Variants in AKT3 observed in about 807,000 individuals in gnomAD.
AKT3 encodes the protein AKT serine/threonine kinase 3.
AKT3 carries 15 observed loss-of-function variants against 65.3 expected under a neutral mutation model. That is an observed-to-expected ratio of 0.23 (90% confidence interval 0.15 to 0.35). The LOEUF is 0.35. Ranked by LOEUF, AKT3 falls within the 10% of genes least tolerant of loss-of-function variation. AKT3 has a pLI of 1.00. For missense variants in AKT3, 243 were observed against 576.5 expected, an observed-to-expected ratio of 0.42 and a Z score of 5.92; for synonymous variants, 206 against 183.8, an observed-to-expected ratio of 1.12 and a Z score of -0.98.
In AKT3 at chr1:243,814,344, C is replaced by T. The variant is rs1477923800; in HGVS notation, c.46+28781G>A. Among the ~76,000 whole-genome samples the T allele has an allele frequency of 2.0e-5, 3 of 151,924 alleles. No individual in the cohort carries two copies. In the South Asian group the frequency reaches 6.2e-4, roughly 32 times the overall value. On this transcript the variant is annotated intron_variant, in intron 2 of 13. Transcript: ENST00000673466. ...TTATATCTAACATTTATTTTAAATA[C>T]TTTTACAATATAAATAAACTAACCT... is the stretch of plus-strand genomic sequence containing the variant.
intron 4 of AKT3, among the ~76,000 whole-genome samples, chr1:243,658,259 C>CA (rs1311189778): frequency 1.3e-5 from 2 of 151,866 alleles, no homozygotes; most frequent in African/African-American, 2.4e-5. Flanking sequence ...GTAGCGAAAA[C>CA]AAAAAACAGA....
At chr1:243,748,411 C>T (rs1044931993) in intron 2 of AKT3, among the ~76,000 whole-genome samples, 4 of 151,716 alleles carry the variant, frequency 2.6e-5, no homozygotes, top group African/African-American at 9.7e-5. Flanking sequence ...ATAGGAAGGC[C>T]ACACAGTGTA....
At chr1:243,596,339 T>TACAA (rs1676612435) in intron 8 of AKT3, among the ~76,000 whole-genome samples, 1 of 152,148 alleles carries the variant, frequency 6.6e-6, no homozygotes, top group South Asian at 2.1e-4. Context: ...CCATTTGTAA[T>TACAA]ACAAATATTT....
chr1:243,522,958 G>T (rs555148299), intron 12 of AKT3, among the ~76,000 whole-genome samples: 70 of 152,092 alleles, frequency 4.6e-4, no homozygotes, highest in Admixed American at 1.5e-3. Flanking sequence ...CACACCAGAT[G>T]AATGCTGGAG....
In AKT3 at chr1:243,812,471, T is replaced by A. The variant is rs145490615; in HGVS notation, c.46+30654A>T. On this transcript the variant is annotated intron_variant, in intron 2 of 13. Transcript: ENST00000673466. ...AGAAATGCAAATCAAAATCACAATG[T>A]GATACCATCTCACACCAGTTAGAAT... 1.2e-3 allele frequency among the ~76,000 whole-genome samples: 185 copies of A among 152,296 alleles called. 2 individuals carry two copies. The East Asian group carries it at 0.032, about 26-fold the overall frequency.
intron 4 of AKT3, among the ~76,000 whole-genome samples, chr1:243,647,428 A>G (rs1358704933): frequency 6.6e-6 from 1 of 152,220 alleles, no homozygotes; most frequent in East Asian, 1.9e-4. Flanking sequence ...GGGCTATACC[A>G]TCTAGGTTTG....
chr1:243,619,431 C>G (rs573252603), intron 6 of AKT3, among the ~76,000 whole-genome samples: 1 of 134,076 alleles, frequency 7.5e-6, no homozygotes. Flanking sequence ...AGTCGCCCTA[C>G]TGAACTATCT....
chr1:243,623,792 A>G (rs900062163), intron 6 of AKT3, among the ~76,000 whole-genome samples: 1 of 152,158 alleles, frequency 6.6e-6, no homozygotes, highest in Non-Finnish European at 1.5e-5. Flanking sequence ...GGGAATTTTC[A>G]ACCTCCATAA....
chr1:243,622,364 T>G (rs1412622380), intron 6 of AKT3, among the ~76,000 whole-genome samples: 2 of 152,218 alleles, frequency 1.3e-5, no homozygotes, highest in Non-Finnish European at 2.9e-5. Flanking sequence ...ATCGCTACCA[T>G]CATTATTCCT....
At chr1:243,535,781 T>TC (rs1201252114) in intron 12 of AKT3, among the ~76,000 whole-genome samples, 1 of 152,218 alleles carries the variant, frequency 6.6e-6, no homozygotes, top group Non-Finnish European at 1.5e-5. Flanking sequence ...TACTAGTAGT[T>TC]CTTTGAGAAA....
At chr1:243,546,725 T>G (rs1297851718) in intron 11 of AKT3, 2 of 152,216 alleles carry the variant, frequency 1.3e-5, no homozygotes, top group Non-Finnish European at 2.9e-5. Context: ...ATTTAAATTT[T>G]ACTGATATAA....
At chr1:243,520,070 G>T (rs1450832607) in intron 12 of AKT3, among the ~76,000 whole-genome samples, 1 of 152,176 alleles carries the variant, frequency 6.6e-6, no homozygotes, top group Non-Finnish European at 1.5e-5. Flanking sequence ...ATTATAGGTT[G>T]AAATGTGTCC....
At chr1:243,531,360 GA>G (rs539990997) in intron 12 of AKT3, among the ~76,000 whole-genome samples, 25 of 152,280 alleles carry the variant, frequency 1.6e-4, no homozygotes, top group Admixed American at 7.8e-4. Context: ...GGGATCACAG[GA>G]ATGAGTCACT....
intron 3 of AKT3, among the ~76,000 whole-genome samples, chr1:243,686,469 A>G (rs1251984411): frequency 1.3e-5 from 2 of 151,436 alleles, no homozygotes; most frequent in African/African-American, 4.9e-5. Context: ...AAAACCTTTA[A>G]GACTCTTTAA....
chr1:243,731,370 T>C (rs893437957), intron 2 of AKT3, among the ~76,000 whole-genome samples: 3 of 152,162 alleles, frequency 2.0e-5, no homozygotes, highest in African/African-American at 4.8e-5. Flanking sequence ...TGCTTTGATA[T>C]ACAGCAAGAA....
intron 2 of AKT3, among the ~76,000 whole-genome samples, chr1:243,832,274 A>G (rs1269068752): frequency 6.6e-6 from 1 of 151,976 alleles, no homozygotes; most frequent in Admixed American, 6.5e-5. Context: ...TATTAGTTTC[A>G]TACACCTCAT....
chr1:243,725,405 G>C (rs969833943), intron 2 of AKT3, among the ~76,000 whole-genome samples: 16 of 152,044 alleles, frequency 1.1e-4, no homozygotes, highest in African/African-American at 3.6e-4. Flanking sequence ...TATTCCATGG[G>C]GGCACTGTGC....
At chr1:243,650,310 T>A (rs1036871905) in intron 4 of AKT3, among the ~76,000 whole-genome samples, 2 of 152,210 alleles carry the variant, frequency 1.3e-5, no homozygotes, top group African/African-American at 4.8e-5. Context: ...ATATTAGCCC[T>A]TTGTCAGACG....
At chr1:243,596,895 T>C (rs1676654911) in intron 8 of AKT3, among the ~76,000 whole-genome samples, 1 of 152,146 alleles carries the variant, frequency 6.6e-6, no homozygotes, top group Non-Finnish European at 1.5e-5. Context: ...TGCAACAAAG[T>C]TAACAATCTC....
Sources: gnomAD v4.1 joint callset for allele counts (sites outside exome capture counted in the v4.1 genomes callset) on GRCh38, gnomAD v4.1.1 for gene constraint, MANE v1.5 for transcripts, NCBI Gene and HGNC (gene_info 2026-07-23, HGNC 2026-07-21) for gene names.